C10orf90: variants seen among roughly 807,000 people sequenced by gnomAD.
C10orf90 encodes the protein chromosome 10 open reading frame 90.
A neutral mutation model predicts 62.5 loss-of-function variants in C10orf90; 56 were observed. That is an observed-to-expected ratio of 0.90 (90% CI 0.72 to 1.12). C10orf90 has a LOEUF of 1.12. C10orf90 is among the 50% of genes most tolerant of loss of function. The pLI is 0.00. For synonymous variants in C10orf90, 386 were observed against 340.4 expected (o/e 1.13, Z -1.47); for missense variants, 970 against 880.4 (o/e 1.10, Z -1.29).
intron 4 of C10orf90, among the ~76,000 whole-genome samples, chr10:126,495,263 C>T (rs1861980401): frequency 6.6e-6 from 1 of 152,180 alleles, no homozygotes; most frequent in Non-Finnish European, 1.5e-5. Flanking sequence ...GTGGCTCACA[C>T]CTGTAATCCT....
intron 2 of C10orf90, among the ~76,000 whole-genome samples, chr10:126,586,874 T>A (rs1016491973): frequency 5.9e-5 from 9 of 152,126 alleles, no homozygotes; most frequent in Admixed American, 1.3e-4. Flanking sequence ...GCCTCAGGGA[T>A]CTGACTCAGT....
intron 2 of C10orf90, among the ~76,000 whole-genome samples, chr10:126,515,680 G>C (rs761662512): frequency 6.6e-6 from 1 of 152,160 alleles, no homozygotes; most frequent in African/African-American, 2.4e-5. Context: ...CTGCTTGACT[G>C]TAACTGAAAG....
intron 2 of C10orf90, chr10:126,521,301 T>G (rs1321421450): frequency 1.2e-6 from 2 of 1,614,068 alleles, no homozygotes; most frequent in Non-Finnish European, 1.7e-6. Context: ...GAACATACCT[T>G]CTCCAGACAG....
rs1238727844 is a variant in C10orf90, at chr10:126,670,336, T to A, written c.145A>T (p.Ser49Cys). 9 of 456,718 alleles carry A rather than the reference T, an allele frequency of 2.0e-5. No individual in the cohort carries two copies. Among genetic ancestry groups the A allele is most frequent in the African/African-American group, 8.0e-5 (4 of 50,198 alleles). 28.3% of individuals were successfully genotyped at this position (456,718 alleles called of 1,614,324 possible). ...NHVMVMDFVK[S>C]NWFPSQRRAK... is the part of the protein sequence containing the mutation. ...CTTCTCTGGGAGGGAAACCAGTTAC[T>A]CTTCACAAAATCCATGACCATCACA... is the stretch of plus-strand genomic sequence containing the variant. Residue 49 changes from serine (S) to cysteine (C), a missense_variant, in exon 1 of 10, where the codon AGT (serine) becomes TGT (cysteine). Ser to Cys is a moderately radical substitution (Grantham distance 112, BLOSUM62 -1). Coordinates refer to ENST00000488181, the MANE Select transcript of C10orf90 (RefSeq NM_001350921.2).
At chr10:126,499,061 C>G (rs1862238151) in intron 4 of C10orf90, among the ~76,000 whole-genome samples, 1 of 152,244 alleles carries the variant, frequency 6.6e-6, no homozygotes. Context: ...CAGTAAATTA[C>G]AGACTGCAGG....
rs559603753 is a variant in C10orf90, at chr10:126,429,172, C to T, written c.2252+615G>A. ...ATATTTTGGTTAAGAGGCCAGATCTCAGAAAGAATGGCAGCCTTTGTGTGC... is the reference window on the plus strand; with the variant it reads ...ATATTTTGGTTAAGAGGCCAGATCTTAGAAAGAATGGCAGCCTTTGTGTGC... On this transcript the variant is annotated intron_variant, in intron 8 of 9. Transcript: ENST00000488181. Among the ~76,000 whole-genome samples, 3 of 152,232 alleles carry T rather than the reference C, an allele frequency of 2.0e-5. No homozygotes were observed. The East Asian group carries it at 5.8e-4, about 29-fold the overall frequency.
intron 2 of C10orf90, among the ~76,000 whole-genome samples, chr10:126,528,939 C>T (rs891880207): frequency 6.6e-6 from 1 of 152,006 alleles, no homozygotes; most frequent in Non-Finnish European, 1.5e-5. Flanking sequence ...AGGGATCTGC[C>T]CTATCAGATA....
At chr10:126,657,458 G>A (rs1846417152) in intron 1 of C10orf90, among the ~76,000 whole-genome samples, 1 of 152,164 alleles carries the variant, frequency 6.6e-6, no homozygotes, top group East Asian at 1.9e-4. Flanking sequence ...TATCCTCACA[G>A]TTCATCCAAA....
chr10:126,496,302 C>A (rs1009195428), intron 4 of C10orf90, among the ~76,000 whole-genome samples: 2 of 152,174 alleles, frequency 1.3e-5, no homozygotes, highest in Non-Finnish European at 2.9e-5. Context: ...CGAAGCTAGC[C>A]GGGATGGCTG....
At chr10:126,622,723 G>A (rs1052729174) in intron 2 of C10orf90, among the ~76,000 whole-genome samples, 7 of 152,152 alleles carry the variant, frequency 4.6e-5, no homozygotes, top group East Asian at 1.9e-4. Context: ...CTGAATGACA[G>A]GGAGATTTTT....
At chr10:126,550,859 A>AT (rs765033004) in intron 2 of C10orf90, among the ~76,000 whole-genome samples, 1 of 152,182 alleles carries the variant, frequency 6.6e-6, no homozygotes, top group African/African-American at 2.4e-5. Flanking sequence ...AATTGTCACC[A>AT]TATTTAAAAC....
At chr10:126,520,524 C>A (rs576285888) in intron 2 of C10orf90, 1 of 152,350 alleles carries the variant, frequency 6.6e-6, no homozygotes, top group South Asian at 2.1e-4. Context: ...TAACTCCTCA[C>A]CCGTGACACG....
At chr10:126,505,156 G>C (rs1187866630) in intron 3 of C10orf90, 71 bp from the exon 4 acceptor site, 1 of 1,480,430 alleles carries the variant, frequency 6.8e-7, no homozygotes, top group Non-Finnish European at 9.0e-7. Context: ...CTCTTTCAAG[G>C]GCCACCAGGA....
At chr10:126,619,412 A>G (rs1033998931) in intron 2 of C10orf90, among the ~76,000 whole-genome samples, 1 of 152,180 alleles carries the variant, frequency 6.6e-6, no homozygotes, top group African/African-American at 2.4e-5. Flanking sequence ...CCTTCAAGCA[A>G]TGCATAAGCA....
intron 3 of C10orf90, 64 bp downstream of exon 3, chr10:126,513,784 G>T (rs1863273277): frequency 2.9e-6 from 3 of 1,021,410 alleles, no homozygotes. Context: ...AAGTAGGTCA[G>T]TGATTATATT....
At chr10:126,454,407 G>C (rs1859402932) in intron 7 of C10orf90, among the ~76,000 whole-genome samples, 1 of 151,692 alleles carries the variant, frequency 6.6e-6, no homozygotes, top group Non-Finnish European at 1.5e-5. Flanking sequence ...ACTTGCAGGG[G>C]CTGTATTCCT....
chr10:126,649,993 A>C (rs1333043998), intron 1 of C10orf90, among the ~76,000 whole-genome samples: 1 of 151,766 alleles, frequency 6.6e-6, no homozygotes, highest in Non-Finnish European at 1.5e-5. Flanking sequence ...GGAGGGAGGA[A>C]AACAGGGGAG....
rs182852523 is a variant in C10orf90, at chr10:126,560,803, C to T, written c.314-46864G>A. On this transcript the variant is annotated intron_variant, in intron 2 of 9. Coordinates refer to ENST00000488181, the MANE Select transcript of C10orf90 (RefSeq NM_001350921.2). ...CCTGGATGATATGTCAACCAATGGG[C>T]GTGGATGCATTCCAACAGAATTTTA... Among the ~76,000 whole-genome samples the T allele has an allele frequency of 1.7e-4, 26 of 152,296 alleles. 1 individual carries two copies. In the East Asian group the frequency reaches 3.5e-3, roughly 20 times the overall value.
At chr10:126,541,126 G>A (rs1430091648) in intron 2 of C10orf90, among the ~76,000 whole-genome samples, 2 of 151,964 alleles carry the variant, frequency 1.3e-5, no homozygotes, top group Non-Finnish European at 2.9e-5. Flanking sequence ...TATGACAAAT[G>A]TATTACACAC....
Sources: gnomAD v4.1 joint callset for allele counts (sites outside exome capture counted in the v4.1 genomes callset) on GRCh38, gnomAD v4.1.1 for gene constraint, MANE v1.5 for transcripts, NCBI Gene and HGNC (gene_info 2026-07-23, HGNC 2026-07-21) for gene names.